The following PALM2AKAP2 variants were observed in gnomAD, a reference collection of about 807,000 sequenced individuals.
The protein encoded by PALM2AKAP2 is PALM2-AKAP2 fusion protein.
In PALM2AKAP2, 37 loss-of-function variants were observed where a neutral mutation model predicts 71.5. That is an observed-to-expected ratio of 0.52 (90% CI 0.40 to 0.68). The LOEUF is 0.68. Among genes scored for constraint, PALM2AKAP2 ranks in the 30% least tolerant of loss-of-function variants. PALM2AKAP2 has a pLI of 0.00. For missense variants in PALM2AKAP2, 1,224 were observed against 1,191.8 expected (o/e 1.03, Z -0.40); for synonymous variants, 468 against 478.8 (o/e 0.98, Z 0.29).
intron 3 of PALM2AKAP2, among the ~76,000 whole-genome samples, chr9:109,892,360 C>T (rs1263712143): frequency 2.0e-5 from 3 of 152,110 alleles, no homozygotes; most frequent in Non-Finnish European, 2.9e-5. Context: ...ATTTAGGGCC[C>T]TCCTAAATAA....
At chr9:109,807,006 A>G (rs948951176) in intron 1 of PALM2AKAP2, among the ~76,000 whole-genome samples, 2 of 152,216 alleles carry the variant, frequency 1.3e-5, no homozygotes, top group African/African-American at 4.8e-5. Flanking sequence ...ACTAGTTGGG[A>G]GGATATTGTG....
At chr9:109,876,901 A>T (rs988952945) in intron 2 of PALM2AKAP2, among the ~76,000 whole-genome samples, 2 of 131,410 alleles carry the variant, frequency 1.5e-5, no homozygotes, top group Non-Finnish European at 3.2e-5. Context: ...CCTCTGGGTG[A>T]CCAGAGTCAC....
At chr9:110,043,116 A>G (rs1016872256) in intron 7 of PALM2AKAP2, among the ~76,000 whole-genome samples, 2 of 151,984 alleles carry the variant, frequency 1.3e-5, no homozygotes, top group African/African-American at 4.8e-5. Context: ...CATCCTCTGA[A>G]TTCTTACTTG....
intron 6 of PALM2AKAP2, among the ~76,000 whole-genome samples, chr9:109,948,144 C>T (rs1210289331): frequency 1.3e-5 from 2 of 152,106 alleles, no homozygotes; most frequent in Non-Finnish European, 2.9e-5. Context: ...AAAGAAAAGT[C>T]GTTTATTAGG....
chr9:109,843,947 A>C (rs913096074), intron 1 of PALM2AKAP2, among the ~76,000 whole-genome samples: 1 of 152,222 alleles, frequency 6.6e-6, no homozygotes, highest in Non-Finnish European at 1.5e-5. Flanking sequence ...TTAAATCTGC[A>C]GTTCCTGACC....
intron 1 of PALM2AKAP2, among the ~76,000 whole-genome samples, chr9:110,100,948 G>A (rs1588109753): frequency 6.6e-6 from 1 of 152,142 alleles, no homozygotes; most frequent in East Asian, 1.9e-4. Flanking sequence ...GTGCCTGGAG[G>A]AGAATGTTCC....
intron 1 of PALM2AKAP2, among the ~76,000 whole-genome samples, chr9:110,095,330 C>T (rs1206878281): frequency 1.3e-5 from 2 of 152,110 alleles, no homozygotes; most frequent in African/African-American, 2.4e-5. Context: ...GGATGGAAAC[C>T]TATTTAGTTA....
chr9:109,838,235 G>T (rs1342414600), intron 1 of PALM2AKAP2, among the ~76,000 whole-genome samples: 1 of 152,118 alleles, frequency 6.6e-6, no homozygotes, highest in Admixed American at 6.5e-5. Flanking sequence ...ACTCAAAACT[G>T]CACAACTACA....
chr9:110,085,299 G>A (rs1834544982), intron 1 of PALM2AKAP2, among the ~76,000 whole-genome samples: 1 of 152,316 alleles, frequency 6.6e-6, no homozygotes, highest in Admixed American at 6.5e-5. Flanking sequence ...AGGTACTGGA[G>A]GATATGGTCC....
At chr9:110,065,139 C>T (rs1361478489) in intron 1 of PALM2AKAP2, among the ~76,000 whole-genome samples, 2 of 152,182 alleles carry the variant, frequency 1.3e-5, no homozygotes, top group Admixed American at 1.3e-4. Flanking sequence ...CCTGACAGCC[C>T]CATGGAGGCA....
At chr9:109,830,883 A>G (rs1828280508) in intron 1 of PALM2AKAP2, among the ~76,000 whole-genome samples, 1 of 152,142 alleles carries the variant, frequency 6.6e-6, no homozygotes, top group Non-Finnish European at 1.5e-5. Flanking sequence ...GACACAACCC[A>G]AAGTCTGTAT....
At chr9:109,719,763 C>T (rs1587881086) in intron 1 of PALM2AKAP2, among the ~76,000 whole-genome samples, 1 of 152,030 alleles carries the variant, frequency 6.6e-6, no homozygotes, top group Admixed American at 6.5e-5. Flanking sequence ...TAAACTATTC[C>T]CAGTTCCTCC....
At chr9:109,762,916 T>C (rs1829080469) in intron 1 of PALM2AKAP2, among the ~76,000 whole-genome samples, 1 of 151,880 alleles carries the variant, frequency 6.6e-6, no homozygotes, top group African/African-American at 2.4e-5. Flanking sequence ...AGAGTAAACA[T>C]TAGGATTTTA....
At chr9:110,169,319 T>C (rs1164168068) in exon 4 of PALM2AKAP2, 1 of 152,542 alleles carries the variant, frequency 6.6e-6, no homozygotes, top group African/African-American at 2.4e-5. Flanking sequence ...CAACAACTAT[T>C]TTTATGATGG....
At chr9:109,653,717 T>A (rs1394200765) in intron 1 of PALM2AKAP2, among the ~76,000 whole-genome samples, 2 of 152,216 alleles carry the variant, frequency 1.3e-5, no homozygotes, top group Admixed American at 1.3e-4. Flanking sequence ...ATGCTGCTGG[T>A]CTGCAGACCA....
Position 109,880,682 on chromosome 9 carries a change from G to A in PALM2AKAP2, c.257+1G>A. ...AGCAACTTGAAGATAACATTCAGAG[G>A]TAGGTGGCTTCCAGCCCAGGGAACC... On this transcript the variant is annotated splice_donor_variant, in intron 3 of 9. Coordinates refer to the PALM2AKAP2 transcript ENST00000302798. LOFTEE classifies it high-confidence loss of function. 6.2e-7 allele frequency: 1 copy of A among 1,613,654 alleles called. No homozygotes were observed. The highest frequency in any genetic ancestry group is 8.5e-7 in the Non-Finnish European group (1 of 1,179,790).
intron 3 of PALM2AKAP2, among the ~76,000 whole-genome samples, chr9:109,900,074 G>A (rs1108832): frequency 0.3 from 45,951 of 152,122 alleles, 7,776 homozygotes; most frequent in East Asian, 0.68. Flanking sequence ...TGACAAAAGT[G>A]CAGATGACAT....
intron 7 of PALM2AKAP2, among the ~76,000 whole-genome samples, chr9:110,026,280 A>G (rs1254985119): frequency 6.6e-6 from 1 of 151,930 alleles, no homozygotes; most frequent in Non-Finnish European, 1.5e-5. Context: ...AGGACTCCCT[A>G]TGTTGCCCAG....
intron 3 of PALM2AKAP2, among the ~76,000 whole-genome samples, chr9:109,889,749 T>C (rs1255245001): frequency 6.6e-6 from 1 of 152,206 alleles, no homozygotes; most frequent in Non-Finnish European, 1.5e-5. Flanking sequence ...TCAGGTTTTG[T>C]AGGATCCATT....
Sources: gnomAD v4.1 joint callset for allele counts (sites outside exome capture counted in the v4.1 genomes callset) on GRCh38, gnomAD v4.1.1 for gene constraint, MANE v1.5 for transcripts, NCBI Gene and HGNC (gene_info 2026-07-23, HGNC 2026-07-21) for gene names.